Variants in DDA1 observed in about 807,000 individuals in gnomAD.
DDA1 encodes the protein DET1- and DDB1-associated protein 1.
Under a neutral mutation model 18.6 loss-of-function variants are expected in DDA1, and 3 were observed. The observed-to-expected ratio is 0.16, with a 90% CI of 0.07 to 0.42. The LOEUF (loss-of-function observed/expected upper bound fraction) is 0.42. Among genes scored for constraint, DDA1 ranks in the 10% least tolerant of loss-of-function variants. The probability of loss-of-function intolerance (pLI) is 0.99; values close to 1 mark genes in which losing one functional copy is unlikely to be tolerated. For missense variants in DDA1, 105 were observed against 138.2 expected (o/e 0.76, Z 1.20); for synonymous variants, 52 against 54.0 (o/e 0.96, Z 0.17).
Position 17,314,577 on chromosome 19 carries a change from G to C in DDA1, c.136+188G>C, listed in dbSNP as rs2074194018. On this transcript the variant is annotated intron_variant, in intron 3 of 4. Coordinates refer to ENST00000359866, the MANE Select transcript of DDA1 (RefSeq NM_024050.6). This position sits in a 1 kb window ranked among gnomAD's most constrained non-coding sequence, Gnocchi z 4.6. ...CAGGGAGGTACAGGAGGGGGACCTTGGGGGCTTCAGCCTGGGGATGCACAC... is the reference window on the plus strand; with the variant it reads ...CAGGGAGGTACAGGAGGGGGACCTTCGGGGCTTCAGCCTGGGGATGCACAC... 1 of 701,036 alleles carries C rather than the reference G, an allele frequency of 1.4e-6. No individual in the cohort carries two copies. Among genetic ancestry groups the C allele is most frequent in the Non-Finnish European group, 2.4e-6 (1 of 424,050 alleles). 43.4% of individuals were successfully genotyped at this position (701,036 alleles called of 1,614,324 possible). A position where few individuals can be genotyped will look rare whatever the true frequency, so the allele number is the denominator to read the frequency against.
At chr19:17,315,104 CAT>C (rs1233366266) in intron 3 of DDA1, among the ~76,000 whole-genome samples, 1 of 129,948 alleles carries the variant, frequency 7.7e-6, no homozygotes, top group Non-Finnish European at 1.6e-5. Context: ...TATATACACA[CAT>C]ATATATACAC....
chr19:17,318,751 C>T (rs144634948), intron 4 of DDA1, among the ~76,000 whole-genome samples: 2 of 150,396 alleles, frequency 1.3e-5, no homozygotes, highest in South Asian at 2.1e-4. Flanking sequence ...CTGCAACCTC[C>T]GCCTCTTGGG....
At position 17,309,587 on chromosome 19, in the gene DDA1, G is replaced by C. The variant is rs1408158720; in HGVS notation, c.-68G>C. 2 of 1,552,544 alleles carry C rather than the reference G, an allele frequency of 1.3e-6. No homozygotes were observed. Among genetic ancestry groups the C allele is most frequent in the Non-Finnish European group, 1.8e-6 (2 of 1,126,132 alleles). ...GAAGTTACTGTGAGGCGGCGGCTAA[G>C]AAGGCGGCTCTGGTGGCGGCGGTGG... On this transcript the variant is annotated 5_prime_UTR_variant, in exon 1 of 5. Coordinates refer to ENST00000359866, the MANE Select transcript of DDA1 (RefSeq NM_024050.6).
rs1442222789 is a variant in DDA1 at position 17,321,835 on chromosome 19, A to G, written c.*2179A>G. On this transcript the variant is annotated 3_prime_UTR_variant, in exon 5 of 5. Transcript: ENST00000359866. ...TACCTCCCAGCTCCCGGCAGTGTCT[A>G]CACCACAGTGATGGTGCTACAGGGG... is the stretch of plus-strand genomic sequence containing the variant. The G allele has an allele frequency of 2.6e-5, 4 of 152,546 alleles. No individual in the cohort carries two copies. The highest frequency in any genetic ancestry group is 5.9e-5 in the Non-Finnish European group (4 of 68,280). The allele number at this position is 152,546 out of a possible 1,614,324, so 9.4% of individuals were successfully genotyped here. A position where few individuals can be genotyped will look rare whatever the true frequency, so the allele number is the denominator to read the frequency against.
At position 17,319,932 on chromosome 19, in the gene DDA1, A is replaced by T; in HGVS notation, c.*276A>T. 2 of 331,162 alleles carry T rather than the reference A, an allele frequency of 6.0e-6. No homozygotes were observed. Among genetic ancestry groups the T allele is most frequent in the Non-Finnish European group, 1.1e-5 (2 of 178,990 alleles). The allele number at this position is 331,162 out of a possible 1,614,324, so 20.5% of individuals were successfully genotyped here. Reference sequence around the variant, plus strand: ...TAAAAAAAACAACATTGTCCCCCCGACCCCCGCCTTCCATCGGGCCAGTTC... The same window carrying T: ...TAAAAAAAACAACATTGTCCCCCCGTCCCCCGCCTTCCATCGGGCCAGTTC... On this transcript the variant is annotated 3_prime_UTR_variant, in exon 5 of 5. Transcript: ENST00000359866.
chr19:17,316,375 A>G (rs951652798), intron 4 of DDA1, among the ~76,000 whole-genome samples: 1 of 151,894 alleles, frequency 6.6e-6, no homozygotes, highest in Non-Finnish European at 1.5e-5. Context: ...AGGTCAGGAG[A>G]TCGAGACCAT....
At chr19:17,317,773 A>C (rs2074220992) in intron 4 of DDA1, among the ~76,000 whole-genome samples, 1 of 150,522 alleles carries the variant, frequency 6.6e-6, no homozygotes, top group Admixed American at 6.6e-5. Context: ...CAGGAGGTTG[A>C]GGCTGCAGTG....
intron 4 of DDA1, among the ~76,000 whole-genome samples, chr19:17,318,574 C>T (rs1194514259): frequency 4.0e-5 from 6 of 151,612 alleles, no homozygotes; most frequent in Admixed American, 3.9e-4. Flanking sequence ...TCCATGTTGG[C>T]CAGGCTAGTC....
At chr19:17,313,957 G>A (rs577582206) in intron 1 of DDA1, 66 bp from the exon 2 acceptor site, 1 of 1,324,242 alleles carries the variant, frequency 7.6e-7, no homozygotes, top group East Asian at 2.3e-5. Context: ...CAGTCACCCT[G>A]CAGGTGCTCC....
intron 1 of DDA1, 49 bp from the exon 2 acceptor site, chr19:17,313,974 G>T: frequency 1.3e-6 from 2 of 1,499,980 alleles, no homozygotes; most frequent in South Asian, 2.3e-5. Flanking sequence ...CTCCAGGGAT[G>T]AGCTGGCCCT....
chr19:17,309,956 C>T (rs532375957), intron 1 of DDA1, among the ~76,000 whole-genome samples: 32 of 140,918 alleles, frequency 2.3e-4, no homozygotes, highest in African/African-American at 6.2e-4. Context: ...GATGGGGTCC[C>T]GTAAGACCCC....
chr19:17,311,460 G>A (rs565562878), intron 1 of DDA1, among the ~76,000 whole-genome samples: 1 of 152,202 alleles, frequency 6.6e-6, no homozygotes, highest in Admixed American at 6.5e-5. Context: ...CGGCCAGAAG[G>A]AGCTTTTAAA....
intron 3 of DDA1, among the ~76,000 whole-genome samples, chr19:17,315,349 GCTA>G (rs1294135970): frequency 0.013 from 535 of 42,156 alleles, 5 homozygotes; most frequent in Non-Finnish European, 0.018. Flanking sequence ...ATATATACAC[GCTA>G]TATATATACG....
In DDA1 at chr19:17,314,699, C is replaced by G; in HGVS notation, c.136+310C>G. 2.4e-6 allele frequency: 1 copy of G among 417,280 alleles called. No homozygotes were observed. Among genetic ancestry groups the G allele is most frequent in the Non-Finnish European group, 4.4e-6 (1 of 226,804 alleles). The allele number at this position is 417,280 out of a possible 1,614,324, so 25.8% of individuals were successfully genotyped here. A position where few individuals can be genotyped will look rare whatever the true frequency, so the allele number is the denominator to read the frequency against. The stretch of plus-strand genomic sequence containing the variant: ...GGACACACTGGGATCCACAGCCAGC[C>G]CAAAGGGGCCCCCAAGTTGTCCCTC... On this transcript the variant is annotated intron_variant, in intron 3 of 4. Coordinates refer to ENST00000359866, the MANE Select transcript of DDA1 (RefSeq NM_024050.6). The surrounding 1 kb of genome is among the most constrained non-coding windows in gnomAD (Gnocchi z 4.6).
chr19:17,321,635 C>T lies in DDA1; in HGVS notation c.*1979C>T, dbSNP rs2074240315. On this transcript the variant is annotated 3_prime_UTR_variant, in exon 5 of 5. Coordinates refer to ENST00000359866, the MANE Select transcript of DDA1 (RefSeq NM_024050.6). Reference sequence around the variant, plus strand: ...GGTTGGGCCACAGAGCTAGCAGACACTCCGGGCTATGGAGGGTCCGCCTGC... The same window carrying T: ...GGTTGGGCCACAGAGCTAGCAGACATTCCGGGCTATGGAGGGTCCGCCTGC... 1.3e-5 allele frequency: 2 copies of T among 152,338 alleles called. No homozygotes were observed. The highest frequency in any genetic ancestry group is 1.3e-4 in the Admixed American group (2 of 15,278). The allele number at this position is 152,338 out of a possible 1,614,324, so 9.4% of individuals were successfully genotyped here.
rs762247006 is a variant in DDA1 at position 17,314,404 on chromosome 19, T to C, written c.136+15T>C. On this transcript the variant is annotated intron_variant, in intron 3 of 4. Transcript: ENST00000359866. This position sits in a 1 kb window ranked among gnomAD's most constrained non-coding sequence, Gnocchi z 4.6. ...GTCTGAACAGAGTAAGTGGCCGCTG[T>C]CAGTCTGTCCCATTCTGGCTGCTGA... 1 of 1,614,236 alleles carries C rather than the reference T, an allele frequency of 6.2e-7. No homozygotes were observed. The highest frequency in any genetic ancestry group is 1.7e-5 in the Admixed American group (1 of 60,030).
intron 4 of DDA1, 113 bp downstream of exon 4, chr19:17,316,108 C>A: frequency 7.8e-7 from 1 of 1,282,314 alleles, no homozygotes; most frequent in Non-Finnish European, 1.1e-6. Context: ...GCCTTGAGGG[C>A]TGGGTAGGAG....
At chr19:17,313,370 G>T (rs980291266) in intron 1 of DDA1, among the ~76,000 whole-genome samples, 1 of 151,088 alleles carries the variant, frequency 6.6e-6, no homozygotes, top group Admixed American at 6.6e-5. Context: ...GGAGAGACTC[G>T]CAGCAGACAG....
chr19:17,316,055 A>T (rs553554868), intron 4 of DDA1, 60 bp downstream of exon 4: 2 of 1,577,586 alleles, frequency 1.3e-6, no homozygotes, highest in Admixed American at 3.3e-5. Context: ...GGCACCTGGC[A>T]GGGGCTTCTG....
Sources: allele counts gnomAD v4.1 joint callset (sites outside exome capture counted in the v4.1 genomes callset), GRCh38; gene constraint gnomAD v4.1.1; non-coding constraint Gnocchi (gnomAD v3.1); transcripts MANE v1.5; gene names NCBI Gene and HGNC (gene_info 2026-07-23, HGNC 2026-07-21).